The following CDH22 variants were observed in gnomAD, a reference collection of about 807,000 sequenced individuals.
CDH22 encodes the protein cadherin 22, also known as cadherin-22.
In CDH22, 30 loss-of-function variants were observed where a neutral mutation model predicts 58.4. The ratio of observed to expected loss-of-function variants is 0.51; its 90% CI spans 0.38 to 0.70. The LOEUF is 0.70. Among genes scored for constraint, CDH22 ranks in the 30% least tolerant of loss-of-function variants. CDH22 has a pLI of 0.00. For synonymous variants in CDH22, 513 were observed against 558.2 expected (o/e 0.92, Z 1.14); for missense variants, 1,014 against 1,233.9 (o/e 0.82, Z 2.67).
chr20:46,219,594 C>T (rs1175140348), intron 4 of CDH22, among the ~76,000 whole-genome samples: 1 of 152,194 alleles, frequency 6.6e-6, no homozygotes, highest in Non-Finnish European at 1.5e-5. Context: ...CCAAAACTGT[C>T]TCCAGACATT....
At chr20:46,195,854 A>G (rs921688798) in intron 8 of CDH22, among the ~76,000 whole-genome samples, 1 of 152,178 alleles carries the variant, frequency 6.6e-6, no homozygotes, top group African/African-American at 2.4e-5. Flanking sequence ...GTAATCCAGT[A>G]TGACAGGCGG....
intron 10 of CDH22, among the ~76,000 whole-genome samples, chr20:46,184,023 T>C (rs1326684810): frequency 6.6e-6 from 1 of 152,078 alleles, no homozygotes; most frequent in Non-Finnish European, 1.5e-5. Flanking sequence ...CCCTTCTCAC[T>C]ATGGATACCC....
chr20:46,210,382 T>C lies in CDH22; in HGVS notation c.1211A>G (p.Gln404Arg). Residue 404 changes from glutamine to arginine, a missense_variant, in exon 7 of 12, where the codon CAG becomes CGG. Gln to Arg is a conservative substitution (Grantham distance 43). Around this residue, in one of 2 missense-constraint regions of CDH22, gnomAD observed 806 missense variants for 1,038.7 expected, o/e 0.78. Transcript: ENST00000537909. The surrounding 1 kb of genome is among the most constrained non-coding windows in gnomAD (Gnocchi z 4.5). ...CAGGGAGCCCACCTGCGCGTCCTCC[T>C]GCACCTCCAGGAGGCCGGAGGGCGG... ...FRPPSGLLEV[Q>R]EDAQVGSLVG... is the part of the protein sequence containing the mutation. 6.7e-7 allele frequency: 1 copy of C among 1,481,648 alleles called. No individual in the cohort carries two copies. The highest frequency in any genetic ancestry group is 2.5e-5 in the Admixed American group (1 of 40,202). The allele number at this position is 1,481,648 out of a possible 1,614,324, so 91.8% of individuals were successfully genotyped here. A position where few individuals can be genotyped will look rare whatever the true frequency, so the allele number is the denominator to read the frequency against.
chr20:46,260,518 C>T (rs550080754), intron 1 of CDH22, among the ~76,000 whole-genome samples: 10 of 152,336 alleles, frequency 6.6e-5, no homozygotes, highest in South Asian at 4.1e-4. Context: ...TCCCTTTCCC[C>T]GTTCCCACAC....
At chr20:46,197,265 A>G (rs1031834405) in intron 8 of CDH22, among the ~76,000 whole-genome samples, 7 of 150,882 alleles carry the variant, frequency 4.6e-5, no homozygotes, top group South Asian at 4.2e-4. Context: ...ATAATTCAAT[A>G]AAGTATGTGC....
rs1363915935 is a variant in CDH22, at chr20:46,216,029, C to T, written c.838+797G>A. Among the ~76,000 whole-genome samples the T allele has an allele frequency of 1.3e-5, 2 of 152,186 alleles. No homozygotes were observed. The highest frequency in any genetic ancestry group is 4.8e-5 in the African/African-American group (2 of 41,450). On this transcript the variant is annotated intron_variant, in intron 5 of 11. Transcript: ENST00000537909. The surrounding 1 kb of genome is among the most constrained non-coding windows in gnomAD (Gnocchi z 5.3). ...TAAGGGATTGGATTCCCTTATCTCT[C>T]GGGGGTCAGTCCCCTGTGGCGGGGC... is the stretch of plus-strand genomic sequence containing the variant.
intron 4 of CDH22, among the ~76,000 whole-genome samples, chr20:46,223,009 C>T (rs887695356): frequency 6.6e-6 from 1 of 152,244 alleles, no homozygotes; most frequent in South Asian, 2.1e-4. Context: ...CAGGGCAGCT[C>T]TTGCCATGGG....
At chr20:46,209,075 G>A (rs1179431477) in intron 7 of CDH22, among the ~76,000 whole-genome samples, 1 of 152,210 alleles carries the variant, frequency 6.6e-6, no homozygotes, top group East Asian at 1.9e-4. Context: ...CATGTCAGAT[G>A]GTGATGAAAG....
chr20:46,173,757 T>C lies in CDH22; in HGVS notation c.*749A>G, dbSNP rs1193776575. On this transcript the variant is annotated 3_prime_UTR_variant, in exon 12 of 12. Transcript: ENST00000537909. The stretch of plus-strand genomic sequence containing the variant: ...ATAAGAATAGTAACAAAGGCTAGCA[T>C]TTATTGAACACCTACTATGTGCCAG... The C allele has an allele frequency of 2.0e-5, 3 of 152,444 alleles. No homozygotes were observed. Among genetic ancestry groups the C allele is most frequent in the South Asian group, 4.1e-4 (2 of 4,832 alleles). The allele number at this position is 152,444 out of a possible 1,614,324, so 9.4% of individuals were successfully genotyped here. A position where few individuals can be genotyped will look rare whatever the true frequency, so the allele number is the denominator to read the frequency against.
In CDH22 at chr20:46,226,467, G is replaced by A. The variant is rs2086176163; in HGVS notation, c.670+1041C>T. Among the ~76,000 whole-genome samples, 3 of 151,516 alleles carry A rather than the reference G, an allele frequency of 2.0e-5. No individual in the cohort carries two copies. The South Asian group carries it at 6.3e-4, about 32-fold the overall frequency. On this transcript the variant is annotated intron_variant, in intron 4 of 11. Transcript: ENST00000537909. The stretch of plus-strand genomic sequence containing the variant: ...TGCCTAGCTAATTTTTTCTTTTGTA[G>A]AGATGGGTTCTCTCTGTGTTACCCA...
At position 46,241,286 on chromosome 20, in the gene CDH22, G is replaced by C; in HGVS notation, c.256-29C>G. The C allele has an allele frequency of 6.4e-7, 1 of 1,554,358 alleles. No individual in the cohort carries two copies. The highest frequency in any genetic ancestry group is 1.7e-4 in the Middle Eastern group (1 of 5,788). On this transcript the variant is annotated intron_variant, in intron 2 of 11. Coordinates refer to ENST00000537909, the MANE Select transcript of CDH22 (RefSeq NM_021248.3). This position sits in a 1 kb window ranked among gnomAD's most constrained non-coding sequence, Gnocchi z 5.2. Reference sequence around the variant, plus strand: ...GGTAGGCAGAGAAGAAGGCAAGGTGGAGGCTGAGAAGGAAGCTCCTCTTGG... The same window carrying C: ...GGTAGGCAGAGAAGAAGGCAAGGTGCAGGCTGAGAAGGAAGCTCCTCTTGG...
At chr20:46,227,475 C>T (rs745454785) in intron 4 of CDH22, 33 bp downstream of exon 4, 3 of 1,478,498 alleles carry the variant, frequency 2.0e-6, no homozygotes, top group Non-Finnish European at 1.8e-6. Context: ...CCCCGCCCCA[C>T]GGCTCCGCCT....
chr20:46,262,809 A>C (rs1350685301), intron 1 of CDH22, among the ~76,000 whole-genome samples: 2 of 151,718 alleles, frequency 1.3e-5, no homozygotes, highest in African/African-American at 4.8e-5. Flanking sequence ...GGACCTGCCT[A>C]CTCTCCATCT....
chr20:46,276,193 C>A (rs1277499607), intron 1 of CDH22, among the ~76,000 whole-genome samples: 1 of 152,158 alleles, frequency 6.6e-6, no homozygotes, highest in Non-Finnish European at 1.5e-5. Flanking sequence ...AAGATGCTGG[C>A]CACACACAGC....
chr20:46,182,947 C>T (rs999320276), intron 10 of CDH22, among the ~76,000 whole-genome samples: 2 of 152,140 alleles, frequency 1.3e-5, no homozygotes, highest in East Asian at 1.9e-4. Flanking sequence ...GTGACCTCAG[C>T]GTGCTGCTGC....
intron 1 of CDH22, among the ~76,000 whole-genome samples, chr20:46,301,504 A>AAAAT (rs1555808588): frequency 2.2e-4 from 33 of 149,932 alleles, no homozygotes; most frequent in African/African-American, 4.4e-4. Flanking sequence ...CTATTAAAAA[A>AAAAT]ATATATATAT....
At chr20:46,182,771 T>C (rs2145650152) in intron 10 of CDH22, among the ~76,000 whole-genome samples, 1 of 152,384 alleles carries the variant, frequency 6.6e-6, no homozygotes, top group East Asian at 1.9e-4. Context: ...AAAGGCAATA[T>C]TTATAAATCA....
intron 1 of CDH22, among the ~76,000 whole-genome samples, chr20:46,291,667 T>A (rs2086603854): frequency 6.6e-6 from 1 of 152,102 alleles, no homozygotes; most frequent in African/African-American, 2.4e-5. Context: ...CACAGAGAGG[T>A]GAACGACCTC....
chr20:46,305,608 C>T (rs1214389898), intron 1 of CDH22, among the ~76,000 whole-genome samples: 2 of 152,228 alleles, frequency 1.3e-5, no homozygotes, highest in South Asian at 2.1e-4. Flanking sequence ...AGCTGCTACC[C>T]GTGTTATATA....
Sources: gnomAD v4.1 joint callset for allele counts (sites outside exome capture counted in the v4.1 genomes callset) on GRCh38, gnomAD v4.1.1 for gene constraint, gnomAD v4.1.1 regional missense constraint, Gnocchi (gnomAD v3.1) non-coding constraint, MANE v1.5 for transcripts, NCBI Gene and HGNC (gene_info 2026-07-23, HGNC 2026-07-21) for gene names.